PRKCB: variants seen among roughly 807,000 people sequenced by gnomAD.
The protein encoded by PRKCB is protein kinase C beta type.
PRKCB carries 13 observed loss-of-function variants against 81.5 expected under a neutral mutation model. The observed-to-expected ratio is 0.16, with a 90% confidence interval of 0.10 to 0.25. PRKCB has a LOEUF of 0.25. Among genes scored for constraint, PRKCB ranks in the 10% least tolerant of loss-of-function variants. PRKCB has a pLI of 1.00. For synonymous variants in PRKCB, 335 were observed against 321.4 expected, an observed-to-expected ratio of 1.04 and a Z score of -0.45; for missense variants, 509 against 875.7, an observed-to-expected ratio of 0.58 and a Z score of 5.29.
intron 2 of PRKCB, among the ~76,000 whole-genome samples, chr16:23,956,979 TAAAAAAAAAAAAA>T (rs10714409): frequency 4.4e-5 from 2 of 45,954 alleles, no homozygotes; most frequent in African/African-American, 8.9e-5. Flanking sequence ...CTATAGGCAG[TAAAAAAAAAAAAA>T]AAAAAAAAAA....
At chr16:24,117,250 G>A (rs1235834278) in intron 8 of PRKCB, among the ~76,000 whole-genome samples, 1 of 152,132 alleles carries the variant, frequency 6.6e-6, no homozygotes, top group African/African-American at 2.4e-5. Context: ...GTAAAATCGA[G>A]CTGCTAGAAT....
At chr16:23,988,094 T>C (rs1271843659) in intron 2 of PRKCB, among the ~76,000 whole-genome samples, 1 of 152,170 alleles carries the variant, frequency 6.6e-6, no homozygotes, top group Non-Finnish European at 1.5e-5. Flanking sequence ...ACACCTCTCT[T>C]AAGTGTGATT....
chr16:23,900,718 G>GTTTTTTTTTTTTTTTTTTTTTTT (rs56897816), intron 2 of PRKCB, among the ~76,000 whole-genome samples: 2 of 62,234 alleles, frequency 3.2e-5, no homozygotes, highest in African/African-American at 7.0e-5. Flanking sequence ...AGCTGCACAG[G>GTTTTTTTTTTTTTTTTTTTTTTT]TTTTTTTTTT....
intron 9 of PRKCB, among the ~76,000 whole-genome samples, chr16:24,126,243 A>G (rs1966844102): frequency 6.6e-6 from 1 of 152,224 alleles, no homozygotes. Context: ...GATGAAAAAA[A>G]AATAGATGAG....
chr16:24,142,271 C>T (rs917846873), intron 9 of PRKCB, among the ~76,000 whole-genome samples: 3 of 152,228 alleles, frequency 2.0e-5, no homozygotes, highest in Non-Finnish European at 4.4e-5. Context: ...GATCATCAGA[C>T]TCTGTCGATG....
In PRKCB at chr16:23,900,718, G is replaced by GTTT. The variant is rs56897816; in HGVS notation, c.205+63342_205+63344dup. 2.5e-3 allele frequency among the ~76,000 whole-genome samples: 156 copies of GTTT among 62,280 alleles called. 12 individuals carry two copies. Among genetic ancestry groups the GTTT allele is most frequent in the East Asian group, 4.7e-3 (8 of 1,710 alleles). The allele number at this position is 62,280 out of a possible 152,430, so 40.9% of individuals were successfully genotyped here. A position where few individuals can be genotyped will look rare whatever the true frequency, so the allele number is the denominator to read the frequency against. On this transcript the variant is annotated intron_variant, in intron 2 of 16. Transcript: ENST00000643927. ...CTCATTCATTTTAACAGCTGCACAG[G>GTTT]TTTTTTTTTTTTTTTTTTTTTTTTT...
chr16:23,886,411 T>G (rs1020814712), intron 2 of PRKCB, among the ~76,000 whole-genome samples: 1 of 110,340 alleles, frequency 9.1e-6, no homozygotes, highest in African/African-American at 3.4e-5. Context: ...TAGGTGTTTT[T>G]TTTTTTTTTT....
In PRKCB at chr16:24,216,696, T is replaced by G; in HGVS notation, c.*1880T>G. The G allele has an allele frequency of 2.0e-6, 2 of 985,484 alleles. No homozygotes were observed. Among genetic ancestry groups the G allele is most frequent in the Non-Finnish European group, 2.4e-6 (2 of 829,966 alleles). 61.0% of individuals were successfully genotyped at this position (985,484 alleles called of 1,614,324 possible). ...TGGGGACCGTCCCTGCTGTCCCCAC[T>G]GTGGTGGCAATCAGGACCTAAGGTG... On this transcript the variant is annotated 3_prime_UTR_variant, in exon 17 of 17. Coordinates refer to ENST00000643927, the MANE Select transcript of PRKCB (RefSeq NM_002738.7).
At chr16:24,079,534 T>C (rs1378314657) in intron 5 of PRKCB, among the ~76,000 whole-genome samples, 1 of 152,128 alleles carries the variant, frequency 6.6e-6, no homozygotes, top group Non-Finnish European at 1.5e-5. Context: ...ATATTGAATG[T>C]CTCCTTCTTC....
At chr16:23,877,812 T>C (rs1349182012) in intron 2 of PRKCB, among the ~76,000 whole-genome samples, 11 of 151,994 alleles carry the variant, frequency 7.2e-5, no homozygotes, top group Non-Finnish European at 1.6e-4. Context: ...GACAGTACTC[T>C]GAGGTGCAGT....
At chr16:23,841,726 G>A (rs918940872) in intron 2 of PRKCB, among the ~76,000 whole-genome samples, 1 of 130,558 alleles carries the variant, frequency 7.7e-6, no homozygotes, top group Admixed American at 9.8e-5. Flanking sequence ...CGTGATCTTA[G>A]CTCACTGCAA....
At chr16:23,876,656 G>A (rs1055057289) in intron 2 of PRKCB, among the ~76,000 whole-genome samples, 1 of 152,100 alleles carries the variant, frequency 6.6e-6, no homozygotes, top group Non-Finnish European at 1.5e-5. Context: ...CCTAGGCAGT[G>A]TGGTTTGGTG....
chr16:24,108,168 TTC>T (rs1308427066), intron 7 of PRKCB, among the ~76,000 whole-genome samples: 1 of 141,906 alleles, frequency 7.0e-6, no homozygotes, highest in Non-Finnish European at 1.5e-5. Context: ...TTATTTTTTT[TTC>T]TTTTTTTTTT....
chr16:23,995,124 T>G (rs1366746902), intron 3 of PRKCB, among the ~76,000 whole-genome samples: 2 of 152,142 alleles, frequency 1.3e-5, no homozygotes, highest in Non-Finnish European at 2.9e-5. Context: ...CCTTTTAACG[T>G]GAAGGATAAG....
At chr16:24,200,986 C>T (rs1317948677) in intron 16 of PRKCB, among the ~76,000 whole-genome samples, 2 of 152,116 alleles carry the variant, frequency 1.3e-5, no homozygotes, top group African/African-American at 2.4e-5. Flanking sequence ...TGCCCTAAAT[C>T]GTGAGGAAGA....
At chr16:24,178,905 A>G (rs900266406) in intron 12 of PRKCB, among the ~76,000 whole-genome samples, 3 of 152,266 alleles carry the variant, frequency 2.0e-5, no homozygotes, top group Non-Finnish European at 4.4e-5. Flanking sequence ...TTGGTGACAT[A>G]ACTGAAAAAT....
At chr16:23,951,344 C>G (rs888915771) in intron 2 of PRKCB, among the ~76,000 whole-genome samples, 2 of 152,182 alleles carry the variant, frequency 1.3e-5, no homozygotes, top group African/African-American at 4.8e-5. Flanking sequence ...CCCAGATATT[C>G]ATGAGATTAG....
intron 2 of PRKCB, among the ~76,000 whole-genome samples, chr16:23,903,236 G>C (rs1041308500): frequency 6.6e-5 from 10 of 150,956 alleles, no homozygotes; most frequent in African/African-American, 2.0e-4. Context: ...GCTTTTGTGA[G>C]TAGGATCCGG....
chr16:23,889,850 A>G (rs539699402), intron 2 of PRKCB, among the ~76,000 whole-genome samples: 7 of 152,278 alleles, frequency 4.6e-5, no homozygotes, highest in Non-Finnish European at 1.0e-4. Context: ...CTCATCTATC[A>G]TCTATCTATT....
Sources: allele counts gnomAD v4.1 joint callset (sites outside exome capture counted in the v4.1 genomes callset), GRCh38; gene constraint gnomAD v4.1.1; transcripts MANE v1.5; gene names NCBI Gene and HGNC (gene_info 2026-07-23, HGNC 2026-07-21).